The following CCDC33 variants were observed in gnomAD, a reference collection of about 807,000 sequenced individuals.
CCDC33 encodes coiled-coil domain-containing protein 33.
CCDC33 carries 94 observed loss-of-function variants against 91.9 expected under a neutral mutation model. The observed-to-expected ratio is 1.02, with a 90% CI of 0.87 to 1.21. The LOEUF is 1.21. CCDC33 is among the 50% of genes most tolerant of loss of function. CCDC33 has a pLI of 0.00. For synonymous variants in CCDC33, 396 were observed against 374.5 expected (o/e 1.06, Z -0.66); for missense variants, 940 against 935.5 (o/e 1.00, Z -0.06).
chr15:74,271,025 A>G lies in CCDC33; in HGVS notation c.547-678A>G, dbSNP rs528779515. On this transcript the variant is annotated intron_variant, in intron 5 of 18. Transcript: ENST00000398814. ...GGATCTGATGAAGAAAGAGGAGCCC[A>G]GAGATGCGGATGCTATGATCCTGTT... Among the ~76,000 whole-genome samples, 18 of 152,262 alleles carry G rather than the reference A, an allele frequency of 1.2e-4. 1 individual carries two copies. Among genetic ancestry groups the G allele is most frequent in the Admixed American group, 1.0e-3 (16 of 15,308 alleles).
chr15:74,225,009 T>G (rs2074742570), intron 2 of CCDC33, among the ~76,000 whole-genome samples: 1 of 152,048 alleles, frequency 6.6e-6, no homozygotes, highest in Admixed American at 6.5e-5. Flanking sequence ...AGAGCCTCCA[T>G]TAGCAGATTG....
chr15:74,206,271 G>C (rs535353106), intron 1 of CCDC33, among the ~76,000 whole-genome samples: 1 of 152,210 alleles, frequency 6.6e-6, no homozygotes, highest in Non-Finnish European at 1.5e-5. Flanking sequence ...GGCAGGCTGG[G>C]TTGAAGATCC....
intron 5 of CCDC33, among the ~76,000 whole-genome samples, chr15:74,269,343 A>G (rs932796357): frequency 1.3e-5 from 2 of 152,148 alleles, no homozygotes; most frequent in Admixed American, 1.3e-4. Flanking sequence ...TGGGCCTGGC[A>G]GGGAAGGAAG....
At chr15:74,278,772 A>G (rs1231548615) in intron 7 of CCDC33, among the ~76,000 whole-genome samples, 3 of 152,152 alleles carry the variant, frequency 2.0e-5, no homozygotes, top group Admixed American at 2.0e-4. Context: ...CCATGGGAAT[A>G]TTTCATATAG....
intron 11 of CCDC33, among the ~76,000 whole-genome samples, chr15:74,304,949 CTT>C (rs5813756): frequency 8.9e-4 from 131 of 146,630 alleles, no homozygotes; most frequent in Admixed American, 8.8e-4. Context: ...TCTTCTTCTT[CTT>C]TTTTTTTTTT....
intron 1 of CCDC33, among the ~76,000 whole-genome samples, chr15:74,242,598 A>G (rs1480968314): frequency 1.3e-5 from 2 of 152,018 alleles, no homozygotes; most frequent in East Asian, 1.9e-4. Context: ...GTGCCCCTCT[A>G]TGGCCCCTCA....
At position 74,332,822 on chromosome 15, in the gene CCDC33, A is replaced by G; in HGVS notation, c.1915A>G (p.Ile639Val). 1.2e-6 allele frequency: 2 copies of G among 1,614,104 alleles called. No individual in the cohort carries two copies. The highest frequency in any genetic ancestry group is 8.5e-7 in the Non-Finnish European group (1 of 1,179,986). The change falls in exon 16 of 19, where the codon ATT becomes GTT. Residue 639 changes from isoleucine (I) to valine (V), a missense_variant. Coordinates refer to ENST00000398814, the MANE Select transcript of CCDC33 (RefSeq NM_025055.5). ...DKNRHQQAPI[I>V]LQQQALPDLL... ...GAACCGCCACCAGCAGGCCCCCATC[A>G]TTCTGCAGCAACAGGCCCTGCCGGT...
chr15:74,300,704 A>G (rs989852581), intron 11 of CCDC33: 1 of 152,234 alleles, frequency 6.6e-6, no homozygotes, highest in Non-Finnish European at 1.5e-5. Flanking sequence ...TGGAGAGAAA[A>G]GCGCTCTGGG....
At chr15:74,295,543 G>A (rs769057372) in intron 10 of CCDC33, among the ~76,000 whole-genome samples, 1 of 152,178 alleles carries the variant, frequency 6.6e-6, no homozygotes, top group Non-Finnish European at 1.5e-5. Context: ...CCTGAGGCAG[G>A]AGCGAGCTTG....
intron 8 of CCDC33, 131 bp downstream of exon 8, chr15:74,280,223 A>G (rs1210229226): frequency 1.8e-6 from 2 of 1,100,508 alleles, no homozygotes; most frequent in Non-Finnish European, 2.6e-6. Flanking sequence ...GCGGCTTCCT[A>G]ATGCAGGCAG....
chr15:74,240,926 G>T (rs1256231497), intron 1 of CCDC33, among the ~76,000 whole-genome samples: 1 of 152,194 alleles, frequency 6.6e-6, no homozygotes, highest in Non-Finnish European at 1.5e-5. Flanking sequence ...CCCTGAGGCT[G>T]CCAGCCTTAC....
upstream of CCDC33, among the ~76,000 whole-genome samples, chr15:74,215,313 G>A (rs1313744013): frequency 6.6e-6 from 1 of 151,942 alleles, no homozygotes; most frequent in African/African-American, 2.4e-5. Context: ...CCAATTCTAT[G>A]AAGCACTGAG....
At chr15:74,331,667 G>A (rs543228504) in intron 15 of CCDC33, among the ~76,000 whole-genome samples, 5 of 152,318 alleles carry the variant, frequency 3.3e-5, no homozygotes, top group African/African-American at 9.6e-5. Flanking sequence ...AGGATCCGTC[G>A]AATTATTTCC....
chr15:74,304,936 GCTT>G (rs1300732393), intron 11 of CCDC33, among the ~76,000 whole-genome samples: 2 of 137,292 alleles, frequency 1.5e-5, no homozygotes, highest in Middle Eastern at 3.7e-3. Context: ...ACCTGCTTCT[GCTT>G]CTTCTTCTTC....
intron 15 of CCDC33, among the ~76,000 whole-genome samples, chr15:74,331,835 G>A (rs1379689949): frequency 6.6e-6 from 1 of 152,180 alleles, no homozygotes; most frequent in African/African-American, 2.4e-5. Flanking sequence ...TTCAAGACCA[G>A]CCTGGCCAAC....
chr15:74,297,099 G>T (rs2059703141), intron 11 of CCDC33, among the ~76,000 whole-genome samples: 1 of 152,204 alleles, frequency 6.6e-6, no homozygotes, highest in Admixed American at 6.5e-5. Flanking sequence ...TAGGAAGGCT[G>T]GCTGTCTGCT....
intron 2 of CCDC33, among the ~76,000 whole-genome samples, chr15:74,257,739 G>A (rs2075911950): frequency 6.6e-6 from 1 of 152,232 alleles, no homozygotes; most frequent in Non-Finnish European, 1.5e-5. Flanking sequence ...GCCTTCTCCA[G>A]GTTTAGGGTC....
intron 2 of CCDC33, chr15:74,209,783 G>A (rs1595871700): frequency 3.9e-6 from 1 of 258,932 alleles, no homozygotes; most frequent in Non-Finnish European, 7.3e-6. Context: ...GAAGGAAATG[G>A]TGCTCAGAGG....
intron 10 of CCDC33, among the ~76,000 whole-genome samples, chr15:74,289,186 A>T (rs575686169): frequency 1.3e-5 from 2 of 152,356 alleles, no homozygotes; most frequent in South Asian, 4.1e-4. Flanking sequence ...TGCTGAAGAT[A>T]AACATCGCCA....
Sources: gnomAD v4.1 joint callset for allele counts (sites outside exome capture counted in the v4.1 genomes callset) on GRCh38, gnomAD v4.1.1 for gene constraint, MANE v1.5 for transcripts, NCBI Gene and HGNC (gene_info 2026-07-23, HGNC 2026-07-21) for gene names.